The following KCNG3 variants were observed in gnomAD, a reference collection of about 807,000 sequenced individuals.
KCNG3 encodes the protein potassium voltage-gated channel modifier subfamily G member 3, also known as voltage-gated potassium channel regulatory subunit KCNG3.
A neutral mutation model predicts 29.0 loss-of-function variants in KCNG3; 15 were observed. That is an observed-to-expected ratio of 0.52 (90% CI 0.35 to 0.80). KCNG3 has a LOEUF of 0.80. KCNG3 is among the 30% of genes least tolerant of loss of function. KCNG3 has a pLI of 0.01. For synonymous variants in KCNG3, 322 were observed against 248.9 expected (o/e 1.29, Z -2.76); for missense variants, 512 against 605.7 (o/e 0.85, Z 1.62).
downstream of KCNG3, among the ~76,000 whole-genome samples, chr2:42,439,082 C>T (rs1188580906): frequency 2.0e-5 from 3 of 152,064 alleles, no homozygotes; most frequent in African/African-American, 7.3e-5. Context: ...AATACCTGTA[C>T]TTATTTGGAT....
At chr2:42,464,137 A>G (rs1355767174) in intron 1 of KCNG3, 1 of 198,228 alleles carries the variant, frequency 5.0e-6, no homozygotes, top group African/African-American at 2.4e-5. Context: ...TTTCCTAACA[A>G]CAGGTAACTA....
At chr2:42,436,308 G>A in the KCNG3 span, among the ~76,000 whole-genome samples, 2 of 152,222 alleles carry the variant, frequency 1.3e-5, no homozygotes, top group Admixed American at 6.5e-5. Context: ...TAGTGGTGAT[G>A]GTTATACAGC....
chr2:42,470,544 A>G (rs1344273632), intron 1 of KCNG3, among the ~76,000 whole-genome samples: 1 of 152,150 alleles, frequency 6.6e-6, no homozygotes, highest in Admixed American at 6.6e-5. Flanking sequence ...TGCAATACAC[A>G]ATCAGTACCT....
intron 1 of KCNG3, chr2:42,470,311 A>T (rs935804409): frequency 2.3e-5 from 7 of 305,620 alleles, no homozygotes; most frequent in Admixed American, 1.3e-4. Flanking sequence ...TTAAATTTTA[A>T]AAAAATGTAC....
At chr2:42,417,480 T>G in the KCNG3 span, among the ~76,000 whole-genome samples, 1 of 151,748 alleles carries the variant, frequency 6.6e-6, no homozygotes, top group Non-Finnish European at 1.5e-5. Flanking sequence ...ACTAACACAC[T>G]TGGCTAATTT....
At chr2:42,435,772 G>A in the KCNG3 span, among the ~76,000 whole-genome samples, 2 of 152,158 alleles carry the variant, frequency 1.3e-5, no homozygotes, top group African/African-American at 4.8e-5. Flanking sequence ...TGGAGAAACC[G>A]GAACCTTCAC....
intron 1 of KCNG3, chr2:42,469,797 G>C (rs573753217): frequency 1.1e-5 from 2 of 182,696 alleles, no homozygotes; most frequent in Non-Finnish European, 2.3e-5. Flanking sequence ...TCTTCCTTTC[G>C]CTGCCTGACT....
intron 1 of KCNG3, among the ~76,000 whole-genome samples, chr2:42,479,019 C>T (rs1483425051): frequency 3.5e-5 from 5 of 144,476 alleles, no homozygotes; most frequent in South Asian, 2.2e-4. Flanking sequence ...ATCCCAAATT[C>T]GAAATCCAAA....
chr2:42,458,032 T>C (rs1672922739), intron 1 of KCNG3, among the ~76,000 whole-genome samples: 1 of 152,162 alleles, frequency 6.6e-6, no homozygotes, highest in African/African-American at 2.4e-5. Context: ...GAATCACGCC[T>C]GGGATTCATG....
At chr2:42,474,259 G>A (rs2103714664) in intron 1 of KCNG3, among the ~76,000 whole-genome samples, 1 of 152,124 alleles carries the variant, frequency 6.6e-6, no homozygotes, top group African/African-American at 2.4e-5. Context: ...CAGGCATGGT[G>A]GCTCATACCT....
At chr2:42,480,310 C>T (rs1444636987) in intron 1 of KCNG3, among the ~76,000 whole-genome samples, 2 of 152,186 alleles carry the variant, frequency 1.3e-5, no homozygotes, top group Admixed American at 6.5e-5. Context: ...CCCCATCTTA[C>T]AGACAAGCAA....
chr2:42,490,499 T>C (rs761272442), intron 1 of KCNG3, among the ~76,000 whole-genome samples: 15 of 152,218 alleles, frequency 9.9e-5, no homozygotes, highest in East Asian at 1.9e-4. Flanking sequence ...CTTCCAACCA[T>C]GGTTTGTTTC....
At chr2:42,440,459 G>C (rs1572837249), downstream of KCNG3, 1 of 139,272 alleles carries the variant, frequency 7.2e-6, no homozygotes, top group South Asian at 2.4e-4. Flanking sequence ...ATATTGTTTT[G>C]CATCTTTTTG....
chr2:42,478,110 T>C (rs995877253), intron 1 of KCNG3, among the ~76,000 whole-genome samples: 3 of 152,158 alleles, frequency 2.0e-5, no homozygotes, highest in Non-Finnish European at 4.4e-5. Context: ...TGGAAACTGG[T>C]TGCCTTTAAA....
At chr2:42,412,316 G>A in the KCNG3 span, among the ~76,000 whole-genome samples, 2 of 152,138 alleles carry the variant, frequency 1.3e-5, no homozygotes, top group Non-Finnish European at 2.9e-5. Flanking sequence ...ATATGTGAAG[G>A]CCTAATTATT....
chr2:42,409,854 G>A, the KCNG3 span, among the ~76,000 whole-genome samples: 1 of 151,514 alleles, frequency 6.6e-6, no homozygotes, highest in African/African-American at 2.4e-5. Flanking sequence ...TAACGTGATT[G>A]ACAATTGACT....
At position 42,493,592 on chromosome 2, in the gene KCNG3, C is replaced by T. The variant is rs1673977270; in HGVS notation, c.-91G>A. The T allele has an allele frequency of 6.0e-6, 7 of 1,158,584 alleles. No homozygotes were observed. The highest frequency in any genetic ancestry group is 7.6e-6 in the Non-Finnish European group (7 of 922,200). 71.8% of individuals were successfully genotyped at this position (1,158,584 alleles called of 1,614,324 possible). A position where few individuals can be genotyped will look rare whatever the true frequency, so the allele number is the denominator to read the frequency against. ...GCGGGGCCTGCCTGCCCGTGGCTGA[C>T]GGGGGAGCGCGCCGTCGGGGCCCGC... On this transcript the variant is annotated 5_prime_UTR_variant, in exon 1 of 2. Coordinates refer to ENST00000306078, the MANE Select transcript of KCNG3 (RefSeq NM_133329.6).
chr2:42,389,062 C>T, the KCNG3 span, among the ~76,000 whole-genome samples: 1 of 152,080 alleles, frequency 6.6e-6, no homozygotes, highest in African/African-American at 2.4e-5. Context: ...GGATTACAGG[C>T]ACCTGCCACC....
the KCNG3 span, among the ~76,000 whole-genome samples, chr2:42,400,576 G>A: frequency 6.6e-6 from 1 of 152,120 alleles, no homozygotes; most frequent in Non-Finnish European, 1.5e-5. Context: ...ACCTAAGTTG[G>A]AGGAGGAAAG....
Sources: gnomAD v4.1 joint callset for allele counts (sites outside exome capture counted in the v4.1 genomes callset) on GRCh38, gnomAD v4.1.1 for gene constraint, MANE v1.5 for transcripts, NCBI Gene and HGNC (gene_info 2026-07-23, HGNC 2026-07-21) for gene names.